Variants in ADAMTSL1 observed in about 807,000 individuals in gnomAD.
ADAMTSL1 encodes ADAMTS-like protein 1.
In ADAMTSL1, 126 loss-of-function variants were observed where a neutral mutation model predicts 201.8. That is an observed-to-expected ratio of 0.62 (90% CI 0.54 to 0.72). ADAMTSL1 has a LOEUF of 0.72. Among genes scored for constraint, ADAMTSL1 ranks in the 30% least tolerant of loss-of-function variants. The pLI, the probability that ADAMTSL1 is intolerant of heterozygous loss-of-function variation, is 0.00. For missense variants in ADAMTSL1, 2,679 were observed against 2,277.8 expected (o/e 1.18, Z -3.59); for synonymous variants, 1,121 against 903.4 (o/e 1.24, Z -4.32).
chr9:17,954,480 T>C (rs1827852049), intron 1 of ADAMTSL1, among the ~76,000 whole-genome samples: 1 of 152,204 alleles, frequency 6.6e-6, no homozygotes, highest in African/African-American at 2.4e-5. Context: ...TCATTGCATA[T>C]TTTTGAATGG....
At chr9:18,593,271 G>A (rs1824043169) in intron 4 of ADAMTSL1, among the ~76,000 whole-genome samples, 1 of 152,146 alleles carries the variant, frequency 6.6e-6, no homozygotes, top group South Asian at 2.1e-4. Context: ...CATGTTGGAA[G>A]TGGACATCCT....
At chr9:18,839,662 T>C (rs1825584241) in intron 23 of ADAMTSL1, among the ~76,000 whole-genome samples, 1 of 152,140 alleles carries the variant, frequency 6.6e-6, no homozygotes, top group Admixed American at 6.5e-5. Context: ...AGTGTAAAAG[T>C]GTTCCTATTT....
chr9:18,816,230 T>A (rs1314260410), intron 20 of ADAMTSL1, among the ~76,000 whole-genome samples: 1 of 152,196 alleles, frequency 6.6e-6, no homozygotes, highest in Admixed American at 6.5e-5. Context: ...ATAAGTGAGA[T>A]AATGCAGTAT....
intron 16 of ADAMTSL1, among the ~76,000 whole-genome samples, chr9:18,756,892 T>C (rs534014223): frequency 2.0e-5 from 3 of 152,380 alleles, no homozygotes; most frequent in Non-Finnish European, 2.9e-5. Context: ...ATGTAAATTG[T>C]CATCTGCCAG....
At chr9:18,384,544 G>C (rs1837705608) in intron 2 of ADAMTSL1, among the ~76,000 whole-genome samples, 1 of 152,058 alleles carries the variant, frequency 6.6e-6, no homozygotes, top group South Asian at 2.1e-4. Context: ...AGTCTTATTT[G>C]AAGAGTGTTG....
intron 1 of ADAMTSL1, among the ~76,000 whole-genome samples, chr9:17,982,142 G>A (rs959720036): frequency 1.3e-5 from 2 of 152,002 alleles, no homozygotes; most frequent in African/African-American, 2.4e-5. Context: ...AGTTTTCCTC[G>A]ACATTTCCCT....
intron 14 of ADAMTSL1, among the ~76,000 whole-genome samples, chr9:18,721,018 G>C (rs942751790): frequency 1.3e-5 from 2 of 152,152 alleles, no homozygotes; most frequent in African/African-American, 4.8e-5. Context: ...AAATGAACCA[G>C]AATCAGAAGG....
At chr9:18,644,685 A>G (rs901252447) in intron 7 of ADAMTSL1, among the ~76,000 whole-genome samples, 3 of 151,606 alleles carry the variant, frequency 2.0e-5, no homozygotes, top group Non-Finnish European at 2.9e-5. Flanking sequence ...ATGATTTCCA[A>G]TTTCATCCAT....
chr9:18,653,839 C>T (rs910686455), intron 7 of ADAMTSL1, among the ~76,000 whole-genome samples: 1 of 152,216 alleles, frequency 6.6e-6, no homozygotes, highest in African/African-American at 2.4e-5. Flanking sequence ...AGTGAGACAA[C>T]TGAATCTGTT....
At chr9:17,926,457 C>G (rs1313565663) in intron 1 of ADAMTSL1, among the ~76,000 whole-genome samples, 1 of 152,148 alleles carries the variant, frequency 6.6e-6, no homozygotes, top group East Asian at 1.9e-4. Context: ...ACTCAGGAAT[C>G]CATGCTGACG....
chr9:18,241,174 G>A (rs181299039), intron 2 of ADAMTSL1, among the ~76,000 whole-genome samples: 3 of 152,090 alleles, frequency 2.0e-5, no homozygotes, highest in Non-Finnish European at 2.9e-5. Flanking sequence ...GTCTATTTTG[G>A]TGTTTGACAT....
At chr9:18,068,746 G>A (rs144682998) in intron 1 of ADAMTSL1, among the ~76,000 whole-genome samples, 1 of 152,290 alleles carries the variant, frequency 6.6e-6, no homozygotes, top group African/African-American at 2.4e-5. Flanking sequence ...CACTCTATGT[G>A]GCAATAGCAG....
chr9:18,522,584 G>GCCCT (rs1564015943), intron 2 of ADAMTSL1, among the ~76,000 whole-genome samples: 3 of 133,280 alleles, frequency 2.3e-5, no homozygotes, highest in South Asian at 2.5e-4. Context: ...ATGCTATCCC[G>GCCCT]CCCCCCTCCC....
At chr9:18,276,413 C>G (rs1301872225) in intron 2 of ADAMTSL1, among the ~76,000 whole-genome samples, 1 of 152,092 alleles carries the variant, frequency 6.6e-6, no homozygotes, top group Non-Finnish European at 1.5e-5. Context: ...AAAACTTTGC[C>G]TAACTCAAGT....
chr9:18,776,075 C>G (rs1291374928), intron 18 of ADAMTSL1, among the ~76,000 whole-genome samples, 179 bp downstream of exon 18: 1 of 152,140 alleles, frequency 6.6e-6, no homozygotes, highest in East Asian at 1.9e-4. Context: ...CTTAATTACA[C>G]GTGGCCAGGC....
chr9:18,815,686 T>C (rs1449775563), intron 20 of ADAMTSL1, among the ~76,000 whole-genome samples: 1 of 119,294 alleles, frequency 8.4e-6, no homozygotes, highest in African/African-American at 3.3e-5. Context: ...CCAGCCTGGA[T>C]GCCAAAGCAA....
In ADAMTSL1 at chr9:18,848,555, C is replaced by T. The variant is rs192297417; in HGVS notation, c.4249+18578C>T. 4.4e-4 allele frequency among the ~76,000 whole-genome samples: 67 copies of T among 152,244 alleles called. 1 individual carries two copies. The highest frequency in any genetic ancestry group is 6.8e-3 in the Middle Eastern group (2 of 294). ...ATGTAACTTCCATGCCTGGAATACC[C>T]TCCCCTACCCCACCATATCTATCTA... On this transcript the variant is annotated intron_variant, in intron 23 of 28. Transcript: ENST00000380548.
At position 17,987,094 on chromosome 9, in the gene ADAMTSL1, T is replaced by A. The variant is rs1399304317; in HGVS notation, c.87+80172T>A. ...TCATGGACTTAGTGAGAATAACTTC[T>A]TTTATATCATGTCTCTCTGAGTTTT... is the stretch of plus-strand genomic sequence containing the variant. On this transcript the variant is annotated intron_variant, in intron 1 of 29. Transcript: ENST00000680146. 2.6e-5 allele frequency among the ~76,000 whole-genome samples: 4 copies of A among 152,206 alleles called. No homozygotes were observed. In the South Asian group the frequency reaches 6.2e-4, roughly 24 times the overall value.
intron 2 of ADAMTSL1, among the ~76,000 whole-genome samples, chr9:18,333,809 A>G (rs1341136220): frequency 6.6e-6 from 1 of 152,176 alleles, no homozygotes; most frequent in African/African-American, 2.4e-5. Flanking sequence ...AATTGTGTTG[A>G]GATTCTTCAG....
Sources: allele counts gnomAD v4.1 joint callset (sites outside exome capture counted in the v4.1 genomes callset), GRCh38; gene constraint gnomAD v4.1.1; transcripts MANE v1.5; gene names NCBI Gene and HGNC (gene_info 2026-07-23, HGNC 2026-07-21).